Variants in GPC5 observed in about 807,000 individuals in gnomAD.
The protein encoded by GPC5 is glypican-5.
Under a neutral mutation model 53.9 loss-of-function variants are expected in GPC5, and 47 were observed. The observed-to-expected ratio is 0.87, with a 90% confidence interval of 0.69 to 1.11. The LOEUF (loss-of-function observed/expected upper bound fraction) is 1.11. Among genes scored for constraint, GPC5 ranks in the 50% most tolerant of loss-of-function variants. The pLI is 0.00. For missense variants in GPC5, 748 were observed against 713.1 expected (o/e 1.05, Z -0.56); for synonymous variants, 286 against 263.3 (o/e 1.09, Z -0.84).
intron 6 of GPC5, among the ~76,000 whole-genome samples, chr13:92,141,737 G>A (rs1351598697): frequency 6.6e-6 from 1 of 152,138 alleles, no homozygotes; most frequent in East Asian, 1.9e-4. Context: ...AAGGCTGAAA[G>A]CAGGTTGTCA....
chr13:91,922,961 T>C (rs928649987), intron 6 of GPC5, among the ~76,000 whole-genome samples: 30 of 152,194 alleles, frequency 2.0e-4, no homozygotes, highest in African/African-American at 7.0e-4. Context: ...CCACCCTCCA[T>C]TGAATTCTGG....
At chr13:92,410,003 T>TATGA (rs1875971437) in intron 7 of GPC5, among the ~76,000 whole-genome samples, 1 of 152,184 alleles carries the variant, frequency 6.6e-6, no homozygotes, top group South Asian at 2.1e-4. Flanking sequence ...CCTGTGCAAG[T>TATGA]ATGAAGAGTG....
chr13:92,527,152 GAA>G (rs1233969894), intron 7 of GPC5, among the ~76,000 whole-genome samples: 106 of 110,350 alleles, frequency 9.6e-4, no homozygotes, highest in Admixed American at 1.8e-3. Flanking sequence ...AAGAAAGAAA[GAA>G]AGAAAGAAAG....
chr13:92,846,044 C>T (rs1878600882), intron 7 of GPC5, among the ~76,000 whole-genome samples: 1 of 152,050 alleles, frequency 6.6e-6, no homozygotes, highest in Admixed American at 6.6e-5. Flanking sequence ...CTGCCCGAGA[C>T]TGGGTAATTT....
intron 7 of GPC5, among the ~76,000 whole-genome samples, chr13:92,399,588 A>G (rs1875462594): frequency 6.6e-6 from 1 of 152,150 alleles, no homozygotes; most frequent in South Asian, 2.1e-4. Flanking sequence ...TGTTCCCGTA[A>G]TGATAAAGAG....
At chr13:92,269,328 T>G (rs1221124076) in intron 7 of GPC5, among the ~76,000 whole-genome samples, 1 of 152,218 alleles carries the variant, frequency 6.6e-6, no homozygotes, top group Admixed American at 6.5e-5. Flanking sequence ...TAATTTTCTA[T>G]TTGTCGATTA....
chr13:91,668,273 C>T (rs1376206772), intron 2 of GPC5, among the ~76,000 whole-genome samples: 2 of 152,190 alleles, frequency 1.3e-5, no homozygotes, highest in Non-Finnish European at 2.9e-5. Context: ...GGGCTTTGCT[C>T]TTCAAATCCT....
At chr13:91,741,286 G>A (rs1012235134) in intron 4 of GPC5, among the ~76,000 whole-genome samples, 11 of 151,970 alleles carry the variant, frequency 7.2e-5, no homozygotes, top group Admixed American at 3.3e-4. Context: ...TCATTCTAAT[G>A]CATTTATTAA....
intron 5 of GPC5, among the ~76,000 whole-genome samples, chr13:91,890,182 G>C (rs2039369801): frequency 6.6e-6 from 1 of 152,118 alleles, no homozygotes. Flanking sequence ...GTGTTCTTTT[G>C]CGTAAGGTTG....
intron 7 of GPC5, among the ~76,000 whole-genome samples, chr13:92,352,253 A>C (rs1052591310): frequency 6.6e-6 from 1 of 152,210 alleles, no homozygotes; most frequent in African/African-American, 2.4e-5. Context: ...TATTGACACA[A>C]AAAATTAATC....
intron 5 of GPC5, among the ~76,000 whole-genome samples, chr13:91,783,027 C>T (rs1023220043): frequency 1.1e-4 from 16 of 151,736 alleles, no homozygotes; most frequent in African/African-American, 3.6e-4. Context: ...TATACAATTT[C>T]GGATCACCTG....
At position 92,729,893 on chromosome 13, in the gene GPC5, C is replaced by CA. The variant is rs1416158014; in HGVS notation, c.1562-136381dup. 2.7e-5 allele frequency among the ~76,000 whole-genome samples: 4 copies of CA among 150,544 alleles called. No individual in the cohort carries two copies. The East Asian group carries it at 5.8e-4, about 22-fold the overall frequency. On this transcript the variant is annotated intron_variant, in intron 7 of 7. Transcript: ENST00000377067. The stretch of plus-strand genomic sequence containing the variant: ...TTTCTGTTAAAATGGTTGGTCACCT[C>CA]AAAAAAAACCAGTCTTGCAACTCAA...
intron 7 of GPC5, among the ~76,000 whole-genome samples, chr13:92,581,490 T>A (rs1474961417): frequency 2.0e-5 from 3 of 152,204 alleles, no homozygotes; most frequent in African/African-American, 7.2e-5. Flanking sequence ...CATAGGGTGA[T>A]TCCATATTTT....
intron 7 of GPC5, among the ~76,000 whole-genome samples, chr13:92,525,414 T>A (rs1027402610): frequency 1.4e-4 from 20 of 144,686 alleles, no homozygotes; most frequent in African/African-American, 5.1e-4. Context: ...AGAATCAAAA[T>A]GAATCAGAAG....
chr13:92,450,173 GATATAT>G (rs1350636974), intron 7 of GPC5, among the ~76,000 whole-genome samples: 1 of 152,036 alleles, frequency 6.6e-6, no homozygotes, highest in East Asian at 1.9e-4. Flanking sequence ...ATTGGGAGAA[GATATAT>G]ATATTCACTG....
intron 7 of GPC5, among the ~76,000 whole-genome samples, chr13:92,825,964 C>T (rs1877833607): frequency 6.6e-6 from 1 of 152,088 alleles, no homozygotes; most frequent in Non-Finnish European, 1.5e-5. Context: ...CTCATCTCTC[C>T]ATTCTTTCAT....
At chr13:92,205,189 T>TTTTG (rs565754782) in intron 7 of GPC5, among the ~76,000 whole-genome samples, 1 of 152,158 alleles carries the variant, frequency 6.6e-6, no homozygotes, top group African/African-American at 2.4e-5. Context: ...TGTTTTGTTT[T>TTTTG]TTTGTTTGTT....
intron 7 of GPC5, among the ~76,000 whole-genome samples, chr13:92,216,805 C>A (rs1242974834): frequency 1.3e-5 from 2 of 151,874 alleles, no homozygotes; most frequent in African/African-American, 4.8e-5. Context: ...CATGGTGAAA[C>A]CCCATCTCTA....
chr13:91,976,893 AGC>A, intron 6 of GPC5, among the ~76,000 whole-genome samples: 1 of 152,024 alleles, frequency 6.6e-6, no homozygotes, highest in African/African-American at 2.4e-5. Flanking sequence ...CACAAAAATT[AGC>A]TCGCATGGTG....
Sources: gnomAD v4.1 joint callset for allele counts (sites outside exome capture counted in the v4.1 genomes callset) on GRCh38, gnomAD v4.1.1 for gene constraint, MANE v1.5 for transcripts, NCBI Gene and HGNC (gene_info 2026-07-23, HGNC 2026-07-21) for gene names.